The following PI4KB variants were observed in gnomAD, a reference collection of about 807,000 sequenced individuals.
PI4KB encodes the protein phosphatidylinositol 4-kinase beta, also known as PtdIns 4-kinase beta.
PI4KB carries 23 observed loss-of-function variants against 81.4 expected under a neutral mutation model. The ratio of observed to expected loss-of-function variants is 0.28; its 90% CI spans 0.20 to 0.40. The LOEUF (loss-of-function observed/expected upper bound fraction) is 0.40, where lower values mean the gene tolerates loss of function less well. PI4KB is among the 10% of genes least tolerant of loss of function. The probability of loss-of-function intolerance (pLI) is 1.00; values close to 1 mark genes in which losing one functional copy is unlikely to be tolerated. For missense variants in PI4KB, 651 were observed against 1,036.6 expected (o/e 0.63, Z 5.11); for synonymous variants, 381 against 406.8 (o/e 0.94, Z 0.76).
chr1:151,319,868 T>A (rs1648585165), intron 1 of PI4KB, among the ~76,000 whole-genome samples: 1 of 152,164 alleles, frequency 6.6e-6, no homozygotes, highest in Non-Finnish European at 1.5e-5. Context: ...GGAATACAGG[T>A]AATTTCAAAA....
At chr1:151,326,302 A>T in intron 1 of PI4KB, 1 of 949,180 alleles carries the variant, frequency 1.1e-6, no homozygotes, top group East Asian at 2.5e-5. Flanking sequence ...TTCTGTCCTG[A>T]ACGGCCTGAG....
intron 1 of PI4KB, among the ~76,000 whole-genome samples, chr1:151,318,488 G>A (rs112592878): frequency 0.021 from 3,170 of 151,760 alleles, 56 homozygotes; most frequent in Non-Finnish European, 0.03. Flanking sequence ...TGAGGCAGGC[G>A]GATTACCTGA....
At chr1:151,306,782 AAAG>A (rs2101958047) in intron 4 of PI4KB, among the ~76,000 whole-genome samples, 1 of 152,304 alleles carries the variant, frequency 6.6e-6, no homozygotes. Context: ...ATTTCCTTTG[AAAG>A]AAGAATATGG....
At chr1:151,304,332 C>A (rs1695554904) in intron 5 of PI4KB, among the ~76,000 whole-genome samples, 1 of 148,544 alleles carries the variant, frequency 6.7e-6, no homozygotes, top group Admixed American at 6.9e-5. Flanking sequence ...CAAAGTGAAA[C>A]CTGGCTGTGT....
At position 151,315,734 on chromosome 1, in the gene PI4KB, T is replaced by G; in HGVS notation, c.748A>C (p.Arg250=). ...CTCAAGGAGGGCAGCTCCCTCTTCC[T>G]GTGAGCTGGCTTTAGCTCATCTGAG... ...ILSDELKPAH[R]KRELPSLSPA... Residue 250 remains arginine (R), a synonymous_variant, in exon 2 of 12, where the codon AGG becomes CGG. Transcript: ENST00000368873. 1 of 1,614,048 alleles carries G rather than the reference T, an allele frequency of 6.2e-7. No homozygotes were observed. The highest frequency in any genetic ancestry group is 1.3e-5 in the African/African-American group (1 of 75,060).
At chr1:151,321,916 AG>A (rs1442122616) in intron 1 of PI4KB, among the ~76,000 whole-genome samples, 2 of 151,894 alleles carry the variant, frequency 1.3e-5, no homozygotes, top group Non-Finnish European at 2.9e-5. Flanking sequence ...ACTGTTCTAA[AG>A]AAAATGAAAG....
chr1:151,295,815 T>A (rs1381204852), intron 9 of PI4KB, among the ~76,000 whole-genome samples: 1 of 152,230 alleles, frequency 6.6e-6, no homozygotes, highest in Non-Finnish European at 1.5e-5. Flanking sequence ...AGGAAAGCCC[T>A]GGGGCCTGAC....
Position 151,316,090 on chromosome 1 carries a change from A to C in PI4KB, c.392T>G (p.Leu131Arg). 6.2e-7 allele frequency: 1 copy of C among 1,614,170 alleles called. No individual in the cohort carries two copies. Among genetic ancestry groups the C allele is most frequent in the Non-Finnish European group, 8.5e-7 (1 of 1,180,040 alleles). Residue 131 changes from leucine (L) to arginine (R), a missense_variant, in exon 2 of 12, where the codon CTG becomes CGG. Coordinates refer to ENST00000368873, the MANE Select transcript of PI4KB (RefSeq NM_001369623.2). ...QNNSAKQSWL[L>R]RLFESKLFDI... Reference sequence around the variant, plus strand: ...AAACAGTTTTGACTCAAACAGCCTCAGCAGCCAAGACTGTTTAGCTGAGTT... The same window carrying C: ...AAACAGTTTTGACTCAAACAGCCTCCGCAGCCAAGACTGTTTAGCTGAGTT...
At chr1:151,293,380 A>G (rs1557781530) in intron 11 of PI4KB, 2 of 1,313,974 alleles carry the variant, frequency 1.5e-6, no homozygotes, top group Non-Finnish European at 2.0e-6. Flanking sequence ...ACCTCTGCCT[A>G]TGCTACGTCT....
chr1:151,324,799 C>T, intron 1 of PI4KB: 1 of 985,212 alleles, frequency 1.0e-6, no homozygotes. Flanking sequence ...TGGACTGGGT[C>T]CCCTCTTGTC....
In PI4KB at chr1:151,307,763, G is replaced by C. The variant is rs201941232; in HGVS notation, c.993C>G (p.Ser331=). The C allele has an allele frequency of 6.2e-6, 10 of 1,614,104 alleles. No individual in the cohort carries two copies. In the Admixed American group the frequency reaches 1.7e-4, roughly 27 times the overall value. The change falls in exon 4 of 12, where the codon TCC becomes TCG. Residue 331 remains serine, a synonymous_variant. Transcript: ENST00000368873. The stretch of plus-strand genomic sequence containing the variant: ...CCAGCCGCTTGCCGATCGCCATCAG[G>C]GACTTGATGAATTCTCTCTCAGGAG... ...RLAPEREFIK[S]LMAIGKRLAT... is the part of the protein sequence containing the mutation.
chr1:151,293,836 C>A, intron 11 of PI4KB, 182 bp downstream of exon 11: 1 of 632,420 alleles, frequency 1.6e-6, no homozygotes, highest in African/African-American at 1.9e-5. Flanking sequence ...CTGGACTTAG[C>A]CTTACCAGGG....
intron 11 of PI4KB, chr1:151,293,466 TG>T: frequency 8.7e-7 from 1 of 1,143,512 alleles, no homozygotes. Flanking sequence ...CGACAACCTG[TG>T]GGGTAGGGGC....
At position 151,301,869 on chromosome 1, in the gene PI4KB, G is replaced by C. The variant is rs1485635449; in HGVS notation, c.1724C>G (p.Ala575Gly). 2.5e-6 allele frequency: 4 copies of C among 1,613,896 alleles called. No individual in the cohort carries two copies. Among genetic ancestry groups the C allele is most frequent in the African/African-American group, 2.7e-5 (2 of 74,906 alleles). Residue 575 changes from alanine to glycine, a missense_variant, in exon 8 of 12, where the codon GCC becomes GGC. Physicochemically the swap from Ala to Gly is moderately conservative, Grantham distance 60. Transcript: ENST00000368873. ...CTGCAGTTGCTTCAACACCTGAAAG[G>C]CCAGAAGCTCTTGCCGAAGGTCATC... The part of the protein sequence containing the change: ...CGDDLRQELL[A>G]FQVLKQLQSI...
At chr1:151,297,893 G>A (rs998716497) in intron 9 of PI4KB, among the ~76,000 whole-genome samples, 2 of 152,182 alleles carry the variant, frequency 1.3e-5, no homozygotes, top group African/African-American at 4.8e-5. Flanking sequence ...CAGCAGCACT[G>A]GCCATTGCAT....
intron 1 of PI4KB, among the ~76,000 whole-genome samples, chr1:151,323,673 G>A (rs915525699): frequency 1.3e-5 from 2 of 152,088 alleles, no homozygotes; most frequent in Admixed American, 6.6e-5. Flanking sequence ...GCAGTGAGCC[G>A]AGATCGTGCC....
chr1:151,295,753 C>A (rs1040361133), intron 9 of PI4KB, among the ~76,000 whole-genome samples: 1 of 152,122 alleles, frequency 6.6e-6, no homozygotes, highest in African/African-American at 2.4e-5. Context: ...CTCCTCTATC[C>A]CTTCTTTTTT....
At chr1:151,307,851 C>G (rs763036849) in intron 3 of PI4KB, 50 bp from the exon 4 acceptor site, 2 of 1,349,786 alleles carry the variant, frequency 1.5e-6, no homozygotes, top group South Asian at 1.2e-5. Flanking sequence ...CCATAGAATA[C>G]AATGGCACAC....
At chr1:151,319,250 A>C (rs1451120155) in intron 1 of PI4KB, among the ~76,000 whole-genome samples, 4 of 151,940 alleles carry the variant, frequency 2.6e-5, no homozygotes, top group Non-Finnish European at 5.9e-5. Context: ...AGGCAGGTGG[A>C]TCACTTTGAG....
Sources: gnomAD v4.1 joint callset for allele counts (sites outside exome capture counted in the v4.1 genomes callset) on GRCh38, gnomAD v4.1.1 for gene constraint, MANE v1.5 for transcripts, NCBI Gene and HGNC (gene_info 2026-07-23, HGNC 2026-07-21) for gene names.